Variants in RERE observed in about 807,000 individuals in gnomAD.
The protein encoded by RERE is arginine-glutamic acid dipeptide repeats, also known as arginine-glutamic acid dipeptide repeats protein.
Under a neutral mutation model 146.1 loss-of-function variants are expected in RERE, and 40 were observed. The observed-to-expected ratio is 0.27, with a 90% confidence interval of 0.21 to 0.36. RERE has a LOEUF of 0.36. Among genes scored for constraint, RERE ranks in the 10% least tolerant of loss-of-function variants. RERE has a pLI of 1.00. For synonymous variants in RERE, 1,003 were observed against 866.0 expected, an observed-to-expected ratio of 1.16 and a Z score of -2.78; for missense variants, 1,933 against 2,138.7, an observed-to-expected ratio of 0.90 and a Z score of 1.90.
chr1:8,678,085 T>C lies in RERE; in HGVS notation c.-144-21644A>G, dbSNP rs181376921. Among the ~76,000 whole-genome samples, 134 of 152,278 alleles carry C rather than the reference T, an allele frequency of 8.8e-4. 1 individual carries two copies. The highest frequency in any genetic ancestry group is 1.2e-3 in the African/African-American group (50 of 41,554). On this transcript the variant is annotated intron_variant, in intron 1 of 22. Transcript: ENST00000400908. ...GAAGCCTGGTTTCCCAAGCCAACCC[T>C]TCTCAGGCTGCAGAAGCATGGTCTC...
chr1:8,373,034 C>T (rs1195941810), intron 12 of RERE, among the ~76,000 whole-genome samples: 1 of 152,228 alleles, frequency 6.6e-6, no homozygotes, highest in Non-Finnish European at 1.5e-5. Flanking sequence ...GTCTTCGAAG[C>T]CCACCTACCA....
intron 1 of RERE, among the ~76,000 whole-genome samples, chr1:8,813,666 GTA>G (rs1357092411): frequency 6.9e-6 from 1 of 145,118 alleles, no homozygotes; most frequent in Non-Finnish European, 1.5e-5. Flanking sequence ...CCAGGATGGA[GTA>G]CAGTGGTGCC....
chr1:8,552,183 G>A (rs1645943702), intron 6 of RERE, among the ~76,000 whole-genome samples: 2 of 152,138 alleles, frequency 1.3e-5, no homozygotes, highest in African/African-American at 4.8e-5. Flanking sequence ...GAAACTACAG[G>A]GCATTTTGTT....
intron 1 of RERE, among the ~76,000 whole-genome samples, chr1:8,688,027 C>G (rs138523143): frequency 1.3e-5 from 2 of 152,320 alleles, no homozygotes; most frequent in African/African-American, 4.8e-5. Flanking sequence ...TCTATGAACA[C>G]AGATGGTCCC....
chr1:8,544,715 T>C (rs927844114), intron 6 of RERE, among the ~76,000 whole-genome samples: 8 of 152,200 alleles, frequency 5.3e-5, no homozygotes, highest in Admixed American at 3.3e-4. Context: ...TCTGAAAATG[T>C]ACACTTAAAA....
intron 16 of RERE, among the ~76,000 whole-genome samples, 167 bp from the exon 17 acceptor site, chr1:8,362,043 C>T (rs1197702988): frequency 3.0e-4 from 46 of 152,190 alleles, no homozygotes; most frequent in Admixed American, 3.0e-3. Context: ...GAACACGTAT[C>T]TGGGGGTGGG....
intron 1 of RERE, among the ~76,000 whole-genome samples, chr1:8,764,804 C>T (rs1387806131): frequency 6.6e-6 from 1 of 152,208 alleles, no homozygotes; most frequent in African/African-American, 2.4e-5. Context: ...TAAGATACCA[C>T]TTCACACCCA....
At chr1:8,433,803 A>G (rs1005849658) in intron 11 of RERE, among the ~76,000 whole-genome samples, 1 of 147,050 alleles carries the variant, frequency 6.8e-6, no homozygotes, top group Non-Finnish European at 1.5e-5. Flanking sequence ...CTCATGATCC[A>G]CCCGCCTCGG....
chr1:8,462,452 A>G (rs1644539203), intron 11 of RERE, among the ~76,000 whole-genome samples: 1 of 152,244 alleles, frequency 6.6e-6, no homozygotes, highest in South Asian at 2.1e-4. Flanking sequence ...TGGCCGCGGG[A>G]TGGGCCAGGA....
Position 8,750,338 on chromosome 1 carries a change from A to G in RERE, c.-145+66822T>C, listed in dbSNP as rs987724396. ...TAAGACTTGGGTGGTAAAGTGCTAC[A>G]TGTAGAAACCATTCTGCCTCATTCA... On this transcript the variant is annotated intron_variant, in intron 1 of 22. Coordinates refer to ENST00000400908, the MANE Select transcript of RERE (RefSeq NM_001042681.2). 9 of 600,782 alleles carry G rather than the reference A, an allele frequency of 1.5e-5. No individual in the cohort carries two copies. In the East Asian group the frequency reaches 2.2e-4, roughly 15 times the overall value. 37.2% of individuals were successfully genotyped at this position (600,782 alleles called of 1,614,324 possible).
In RERE at chr1:8,403,628, A is replaced by G. The variant is rs370892807; in HGVS notation, c.1284+19099T>C. 8.6e-5 allele frequency among the ~76,000 whole-genome samples: 13 copies of G among 151,542 alleles called. No individual in the cohort carries two copies. In the East Asian group the frequency reaches 1.8e-3, roughly 21 times the overall value. On this transcript the variant is annotated intron_variant, in intron 12 of 22. Transcript: ENST00000400908. ...TGATCCTCTGGCCTTGGCCTCCCAA[A>G]GTGCTGGGATTACGAGCGTGAGCCA...
intron 1 of RERE, among the ~76,000 whole-genome samples, chr1:8,788,327 T>C (rs1422636629): frequency 6.6e-6 from 1 of 151,684 alleles, no homozygotes; most frequent in African/African-American, 2.4e-5. Flanking sequence ...ATGTTAATAA[T>C]GACTACATAG....
intron 1 of RERE, among the ~76,000 whole-genome samples, chr1:8,755,328 C>A (rs1050328606): frequency 7.9e-5 from 12 of 152,322 alleles, no homozygotes; most frequent in African/African-American, 2.4e-4. Context: ...CAAATCCATT[C>A]AATATTCTGT....
At chr1:8,585,875 A>G (rs1364814776) in intron 4 of RERE, among the ~76,000 whole-genome samples, 1 of 152,190 alleles carries the variant, frequency 6.6e-6, no homozygotes, top group Non-Finnish European at 1.5e-5. Context: ...ATGAAACTGA[A>G]ATCATATAAT....
intron 4 of RERE, among the ~76,000 whole-genome samples, chr1:8,576,529 A>G (rs1302536335): frequency 6.6e-6 from 1 of 152,238 alleles, no homozygotes; most frequent in East Asian, 1.9e-4. Flanking sequence ...GAGTTTGTAG[A>G]GATTCCTAGA....
intron 1 of RERE, among the ~76,000 whole-genome samples, chr1:8,672,775 CT>C (rs1184275546): frequency 6.6e-6 from 1 of 152,166 alleles, no homozygotes; most frequent in Non-Finnish European, 1.5e-5. Context: ...TAACTTCACA[CT>C]TTACAGTGTC....
intron 11 of RERE, among the ~76,000 whole-genome samples, chr1:8,447,742 T>TTGA (rs773073412): frequency 2.6e-5 from 4 of 152,332 alleles, no homozygotes; most frequent in Non-Finnish European, 4.4e-5. Flanking sequence ...CTGTGCTGTG[T>TTGA]TGACCGTGTA....
intron 1 of RERE, among the ~76,000 whole-genome samples, chr1:8,686,540 A>G (rs1639089720): frequency 6.6e-6 from 1 of 152,182 alleles, no homozygotes; most frequent in Non-Finnish European, 1.5e-5. Context: ...ACCTGAGGTC[A>G]GGAGTTCAAG....
intron 4 of RERE, among the ~76,000 whole-genome samples, chr1:8,613,751 C>T (rs1379159072): frequency 3.3e-5 from 5 of 152,150 alleles, no homozygotes; most frequent in African/African-American, 9.7e-5. Flanking sequence ...TGCAACTACA[C>T]TTCTTTCATA....
Sources: allele counts gnomAD v4.1 joint callset (sites outside exome capture counted in the v4.1 genomes callset), GRCh38; gene constraint gnomAD v4.1.1; transcripts MANE v1.5; gene names NCBI Gene and HGNC (gene_info 2026-07-23, HGNC 2026-07-21).